The following ARHGEF10 variants were observed in gnomAD, a reference collection of about 807,000 sequenced individuals.
The protein encoded by ARHGEF10 is Rho guanine nucleotide exchange factor 10, also known as Rho guanine nucleotide exchange factor (GEF) 10.
Under a neutral mutation model 147.4 loss-of-function variants are expected in ARHGEF10, and 140 were observed. That is an observed-to-expected ratio of 0.95 (90% CI 0.83 to 1.09). The LOEUF (loss-of-function observed/expected upper bound fraction) is 1.09. Among genes scored for constraint, ARHGEF10 ranks in the 50% least tolerant of loss-of-function variants. ARHGEF10 has a pLI of 0.00. For missense variants in ARHGEF10, 2,222 were observed against 1,752.7 expected, an observed-to-expected ratio of 1.27 and a Z score of -4.78; for synonymous variants, 902 against 695.8, an observed-to-expected ratio of 1.30 and a Z score of -4.67.
intron 18 of ARHGEF10, among the ~76,000 whole-genome samples, chr8:1,913,768 G>A (rs1207119162): frequency 6.6e-6 from 1 of 152,244 alleles, no homozygotes; most frequent in African/African-American, 2.4e-5. Context: ...TGTCCCGGAA[G>A]CGTGTCCTGA....
At chr8:1,842,767 C>G (rs950763945) in intron 1 of ARHGEF10, among the ~76,000 whole-genome samples, 2 of 152,244 alleles carry the variant, frequency 1.3e-5, no homozygotes, top group Non-Finnish European at 2.9e-5. Context: ...AGCTCACACT[C>G]AAACTGGTGT....
intron 2 of ARHGEF10, among the ~76,000 whole-genome samples, chr8:1,845,573 G>A (rs573048429): frequency 5.9e-5 from 9 of 152,240 alleles, no homozygotes; most frequent in Non-Finnish European, 1.3e-4. Flanking sequence ...GAATCCCGTG[G>A]CAGATGGATG....
intron 16 of ARHGEF10, chr8:1,903,765 C>A: frequency 2.4e-6 from 1 of 416,440 alleles, no homozygotes; most frequent in Non-Finnish European, 4.4e-6. Context: ...TTCAAAATAA[C>A]GGTATTTAAT....
chr8:1,887,529 GGA>G, intron 11 of ARHGEF10, among the ~76,000 whole-genome samples: 2 of 146,890 alleles, frequency 1.4e-5, no homozygotes. Context: ...GTGGGGTGAG[GGA>G]TACGTGAGGA....
intron 2 of ARHGEF10, among the ~76,000 whole-genome samples, chr8:1,848,231 G>A (rs892364959): frequency 1.6e-4 from 24 of 152,344 alleles, no homozygotes; most frequent in African/African-American, 5.5e-4. Context: ...GGGGTCCTCC[G>A]TCTTAGTCCT....
At chr8:1,900,616 A>C (rs563355784) in intron 15 of ARHGEF10, among the ~76,000 whole-genome samples, 1 of 152,224 alleles carries the variant, frequency 6.6e-6, no homozygotes, top group Non-Finnish European at 1.5e-5. Context: ...CGCCGTTTAC[A>C]AATCTGTTCT....
Position 1,923,503 on chromosome 8 carries a change from A to C in ARHGEF10, c.2295A>C (p.Ser765=). The C allele has an allele frequency of 6.2e-7, 1 of 1,614,100 alleles. No homozygotes were observed. Among genetic ancestry groups the C allele is most frequent in the Non-Finnish European group, 8.5e-7 (1 of 1,180,030 alleles). The change falls in exon 20 of 29, where the codon TCA becomes TCC. Residue 765 remains serine, a synonymous_variant. Transcript: ENST00000349830. The part of the protein sequence containing the change: ...LNQSVAHDWT[S]GLQRLILKKE... ...AGTCAGTAGCCCATGACTGGACATCAGGTTTACAAAGGCTTATTTTGAAGA... is the reference window on the plus strand; with the variant it reads ...AGTCAGTAGCCCATGACTGGACATCCGGTTTACAAAGGCTTATTTTGAAGA...
At chr8:1,943,800 T>G (rs1814301102) in intron 26 of ARHGEF10, 1 of 152,188 alleles carries the variant, frequency 6.6e-6, no homozygotes, top group Non-Finnish European at 1.5e-5. Flanking sequence ...TACGGGCATA[T>G]GGCGAGAGGT....
intron 7 of ARHGEF10, among the ~76,000 whole-genome samples, chr8:1,873,596 T>G (rs1807352609): frequency 7.1e-6 from 1 of 140,994 alleles, no homozygotes; most frequent in Non-Finnish European, 1.6e-5. Context: ...ATTTCCTAGT[T>G]GCCTTGAGAG....
chr8:1,853,490 C>G (rs1373666137), intron 2 of ARHGEF10, among the ~76,000 whole-genome samples: 1 of 151,626 alleles, frequency 6.6e-6, no homozygotes, highest in African/African-American at 2.4e-5. Flanking sequence ...TTCTAGTTTG[C>G]AAATTGTAGT....
At chr8:1,837,278 T>TA (rs5888903) in intron 1 of ARHGEF10, among the ~76,000 whole-genome samples, 29,834 of 152,148 alleles carry the variant, frequency 0.2, 2,962 homozygotes, top group Admixed American at 0.23. Context: ...GGGCATGCTC[T>TA]CTGCACAGGG....
intron 8 of ARHGEF10, among the ~76,000 whole-genome samples, chr8:1,877,368 C>T (rs1051532510): frequency 6.6e-6 from 1 of 152,112 alleles, no homozygotes; most frequent in African/African-American, 2.4e-5. Flanking sequence ...GCTGGGATTA[C>T]AGGTGCCTGC....
intron 16 of ARHGEF10, chr8:1,903,910 A>G (rs1412135260): frequency 4.5e-6 from 1 of 220,890 alleles, no homozygotes; most frequent in Non-Finnish European, 9.0e-6. Flanking sequence ...CCTGGGCATG[A>G]TAGTGAGAAC....
At chr8:1,866,263 G>A (rs1208969424) in intron 5 of ARHGEF10, among the ~76,000 whole-genome samples, 1 of 152,218 alleles carries the variant, frequency 6.6e-6, no homozygotes, top group Non-Finnish European at 1.5e-5. Context: ...CCGTATTGCG[G>A]CTGTATTGCC....
At chr8:1,928,374 A>G (rs954049240) in intron 23 of ARHGEF10, 53 bp from the exon 24 acceptor site, 11 of 1,569,116 alleles carry the variant, frequency 7.0e-6, no homozygotes, top group East Asian at 2.2e-5. Context: ...CCAGCGTATT[A>G]TGGAAGCCGC....
At chr8:1,857,064 C>G (rs377310773) in intron 2 of ARHGEF10, among the ~76,000 whole-genome samples, 1 of 152,208 alleles carries the variant, frequency 6.6e-6, no homozygotes, top group African/African-American at 2.4e-5. Flanking sequence ...ACCTGTGACT[C>G]GCCTCCTGCA....
rs766186644 is a variant in ARHGEF10, at chr8:1,860,153, C to T, written c.450C>T (p.Val150=). 40 of 1,613,672 alleles carry T rather than the reference C, an allele frequency of 2.5e-5. No homozygotes were observed. The highest frequency in any genetic ancestry group is 1.2e-4 in the African/African-American group (9 of 74,898). ...PLLLPAYSSP[V]IICATSLDEE... is the part of the protein sequence containing the mutation. The stretch of plus-strand genomic sequence containing the variant: ...TGCTGCCCGCCTACTCCAGCCCGGT[C>T]ATCATCTGCGCCACGTCCCTGGACG... Residue 150 remains valine (V), a synonymous_variant, in exon 4 of 29, where the codon GTC becomes GTT. Transcript: ENST00000349830.
chr8:1,923,586 A>T lies in ARHGEF10; in HGVS notation c.2378A>T (p.Lys793Met). The change falls in exon 20 of 29, where the codon AAG becomes ATG. Residue 793 changes from lysine (K) to methionine (M), a missense_variant. Physicochemically the swap from Lys to Met is moderately conservative, Grantham distance 95. Transcript: ENST00000349830. ...AGAATTCAGTTACAGCTTCCCGGGA[A>T]GCAGGACAAGTTAGTAGTAGCTTTA... Reference protein sequence around the residue: ...CCRIQLQLPGKQDKSGRPTFF... With the variant: ...CCRIQLQLPGMQDKSGRPTFF... The T allele has an allele frequency of 6.2e-7, 1 of 1,614,126 alleles. No homozygotes were observed. The highest frequency in any genetic ancestry group is 8.5e-7 in the Non-Finnish European group (1 of 1,180,036).
intron 1 of ARHGEF10, among the ~76,000 whole-genome samples, chr8:1,842,626 C>T (rs1804182192): frequency 6.6e-6 from 1 of 152,222 alleles, no homozygotes; most frequent in African/African-American, 2.4e-5. Flanking sequence ...GGCACTGGAG[C>T]CGAGGCAGCT....
Sources: allele counts gnomAD v4.1 joint callset (sites outside exome capture counted in the v4.1 genomes callset), GRCh38; gene constraint gnomAD v4.1.1; transcripts MANE v1.5; gene names NCBI Gene and HGNC (gene_info 2026-07-23, HGNC 2026-07-21).